SNX8: variants seen among roughly 807,000 people sequenced by gnomAD.
SNX8 encodes the protein sorting nexin 8.
SNX8 carries 25 observed loss-of-function variants against 51.6 expected under a neutral mutation model. The ratio of observed to expected loss-of-function variants is 0.48; its 90% CI spans 0.35 to 0.68. SNX8 has a LOEUF of 0.68. SNX8 is among the 30% of genes least tolerant of loss of function. SNX8 has a pLI of 0.00. For synonymous variants in SNX8, 324 were observed against 277.0 expected, an observed-to-expected ratio of 1.17 and a Z score of -1.68; for missense variants, 695 against 624.0, an observed-to-expected ratio of 1.11 and a Z score of -1.21.
At chr7:2,261,643 G>A (rs1343707107) in intron 7 of SNX8, among the ~76,000 whole-genome samples, 1 of 152,140 alleles carries the variant, frequency 6.6e-6, no homozygotes, top group South Asian at 2.1e-4. Flanking sequence ...CACCTGGGGG[G>A]AGTGGGCACA....
chr7:2,313,588 C>A (rs1187280456), intron 1 of SNX8, among the ~76,000 whole-genome samples: 2 of 151,864 alleles, frequency 1.3e-5, no homozygotes, highest in Admixed American at 6.6e-5. Flanking sequence ...ACAGGCCAGG[C>A]ACGATGGCTC....
intron 1 of SNX8, among the ~76,000 whole-genome samples, chr7:2,302,245 G>C (rs1202811224): frequency 2.0e-5 from 3 of 152,234 alleles, no homozygotes; most frequent in African/African-American, 7.2e-5. Context: ...TGCGATTGCA[G>C]GCTCGCGCCG....
intron 1 of SNX8, among the ~76,000 whole-genome samples, chr7:2,292,468 G>A (rs1238135840): frequency 6.6e-6 from 1 of 150,798 alleles, no homozygotes; most frequent in Non-Finnish European, 1.5e-5. Flanking sequence ...CTGTAGTGCA[G>A]TGGCGCGATC....
Position 2,257,394 on chromosome 7 carries a change from C to T in SNX8, c.1105G>A (p.Val369Met), listed in dbSNP as rs1332097758. The change falls in exon 9 of 11, where the codon GTG becomes ATG. Residue 369 changes from valine to methionine, a missense_variant. By Grantham distance (21) the Val-to-Met change is conservative. Coordinates refer to ENST00000222990, the MANE Select transcript of SNX8 (RefSeq NM_013321.4). ...ACAATGCGGGACTCCAGCTGCTCCA[C>T]GGACTCCGGCTCGCGGTTCTGCGCG... ...ATAQNREPES[V>M]EQLESRIVEQ... is the part of the protein sequence containing the mutation. 4 of 1,609,738 alleles carry T rather than the reference C, an allele frequency of 2.5e-6. No homozygotes were observed. The highest frequency in any genetic ancestry group is 1.1e-5 in the South Asian group (1 of 90,934).
At chr7:2,286,078 C>G (rs1796021860) in intron 1 of SNX8, among the ~76,000 whole-genome samples, 1 of 150,466 alleles carries the variant, frequency 6.6e-6, no homozygotes, top group Non-Finnish European at 1.5e-5. Context: ...GTGGCGCTAT[C>G]TCGGCTCACT....
intron 1 of SNX8, among the ~76,000 whole-genome samples, chr7:2,322,227 G>C (rs1429614105): frequency 2.0e-5 from 3 of 152,132 alleles, no homozygotes; most frequent in Non-Finnish European, 4.4e-5. Flanking sequence ...ACCTGCTAAG[G>C]ACCTTTCAGA....
chr7:2,266,465 G>T (rs1795466930), intron 5 of SNX8, among the ~76,000 whole-genome samples: 1 of 152,038 alleles, frequency 6.6e-6, no homozygotes. Flanking sequence ...TCCTGCCTCA[G>T]CCTCCTGAGT....
chr7:2,292,018 C>T (rs1422522211), intron 1 of SNX8, among the ~76,000 whole-genome samples: 1 of 152,228 alleles, frequency 6.6e-6, no homozygotes, highest in Non-Finnish European at 1.5e-5. Flanking sequence ...AATCCCAACA[C>T]TCTGGGAGGC....
At chr7:2,257,174 G>A (rs927984053) in intron 9 of SNX8, 151 bp from the exon 10 acceptor site, 9 of 1,179,972 alleles carry the variant, frequency 7.6e-6, no homozygotes, top group African/African-American at 4.6e-5. Context: ...GAGAGGGCCG[G>A]GGAGGGAGCA....
chr7:2,352,838 TA>T (rs113417386), intron 1 of SNX8, among the ~76,000 whole-genome samples: 119 of 136,746 alleles, frequency 8.7e-4, no homozygotes, highest in Admixed American at 9.5e-4. Context: ...TCCGTCTAAA[TA>T]AAAAAAAAAA....
intron 1 of SNX8, among the ~76,000 whole-genome samples, chr7:2,334,869 GAAAA>G (rs71023399): frequency 2.5e-5 from 2 of 80,112 alleles, no homozygotes; most frequent in African/African-American, 1.1e-4. Flanking sequence ...GCCCATCTCT[GAAAA>G]AAAAAAAAAA....
At chr7:2,285,613 A>G (rs1260780779) in intron 1 of SNX8, among the ~76,000 whole-genome samples, 2 of 152,146 alleles carry the variant, frequency 1.3e-5, no homozygotes, top group Admixed American at 1.3e-4. Flanking sequence ...TCTCATGCCC[A>G]AGACAGCTCC....
In SNX8 at chr7:2,331,373, T is replaced by C. The variant is rs534023025; in HGVS notation, c.-66+22849A>G. 9.2e-5 allele frequency among the ~76,000 whole-genome samples: 14 copies of C among 151,846 alleles called. No homozygotes were observed. The East Asian group carries it at 2.7e-3, about 29-fold the overall frequency. The stretch of plus-strand genomic sequence containing the variant: ...CAATTATATTTCTATATACTAGCGA[T>C]GTACTATTGGAAAATAAACTTTAAA... On this transcript the variant is annotated intron_variant, in intron 1 of 5. Coordinates refer to the SNX8 transcript ENST00000435336.
chr7:2,322,877 C>T (rs59100061), intron 1 of SNX8, among the ~76,000 whole-genome samples: 11,454 of 148,422 alleles, frequency 0.077, 1,147 homozygotes, highest in African/African-American at 0.23. Flanking sequence ...AAAATCCGGG[C>T]GTGGTGGTGG....
intron 1 of SNX8, among the ~76,000 whole-genome samples, chr7:2,312,292 G>A (rs1405443256): frequency 1.3e-5 from 2 of 152,104 alleles, no homozygotes. Flanking sequence ...GTCTACTTCT[G>A]TGAAGCCTGA....
intron 1 of SNX8, among the ~76,000 whole-genome samples, chr7:2,334,869 GAAAAAAAAAAAAAA>G (rs71023399): frequency 5.0e-5 from 4 of 80,108 alleles, no homozygotes; most frequent in South Asian, 8.0e-4. Flanking sequence ...GCCCATCTCT[GAAAAAAAAAAAAAA>G]AAAAAAAAAA....
intron 5 of SNX8, among the ~76,000 whole-genome samples, chr7:2,268,536 C>A (rs1254818904): frequency 1.4e-5 from 2 of 146,892 alleles, no homozygotes; most frequent in African/African-American, 5.0e-5. Flanking sequence ...GCCGTGCCAT[C>A]CGGGAGGGAG....
At chr7:2,260,959 A>T (rs1035905480) in intron 7 of SNX8, among the ~76,000 whole-genome samples, 3 of 152,182 alleles carry the variant, frequency 2.0e-5, no homozygotes, top group African/African-American at 7.2e-5. Context: ...AACCTTGGAA[A>T]TCACCTCATG....
upstream of SNX8, among the ~76,000 whole-genome samples, chr7:2,317,422 C>T (rs982022799): frequency 2.0e-5 from 3 of 151,318 alleles, no homozygotes; most frequent in Admixed American, 6.6e-5. Context: ...GTATTACAGG[C>T]GTGTGCCACC....
Sources: allele counts gnomAD v4.1 joint callset (sites outside exome capture counted in the v4.1 genomes callset), GRCh38; gene constraint gnomAD v4.1.1; transcripts MANE v1.5; gene names NCBI Gene and HGNC (gene_info 2026-07-23, HGNC 2026-07-21).